Variants in MCM5 observed in about 807,000 individuals in gnomAD.
MCM5 encodes the protein DNA replication licensing factor MCM5.
MCM5 carries 46 observed loss-of-function variants against 79.9 expected under a neutral mutation model. That is an observed-to-expected ratio of 0.58 (90% confidence interval 0.45 to 0.74). MCM5 has a LOEUF of 0.74. Ranked by LOEUF, MCM5 falls within the 30% of genes least tolerant of loss-of-function variation. The probability of loss-of-function intolerance (pLI) is 0.00; values close to 1 mark genes in which losing one functional copy is unlikely to be tolerated. For synonymous variants in MCM5, 404 were observed against 390.5 expected (o/e 1.03, Z -0.41); for missense variants, 883 against 1,017.0 (o/e 0.87, Z 1.79).
At chr22:35,402,472 A>C (rs562517793) in intron 2 of MCM5, among the ~76,000 whole-genome samples, 2 of 151,214 alleles carry the variant, frequency 1.3e-5, no homozygotes, top group Admixed American at 6.6e-5. Flanking sequence ...GATTACAGGC[A>C]TCCGCCACCA....
chr22:35,412,768 ACT>A, intron 8 of MCM5, 87 bp downstream of exon 8: 1 of 1,167,466 alleles, frequency 8.6e-7, no homozygotes, highest in Non-Finnish European at 1.1e-6. Flanking sequence ...AGGACTGGGC[ACT>A]CTTTTTTGTA....
At position 35,423,929 on chromosome 22, in the gene MCM5, A is replaced by T. The variant is rs934627929; in HGVS notation, c.2104-225A>T. On this transcript the variant is annotated intron_variant, in intron 16 of 16. Transcript: ENST00000216122. ...TTTAGAGCTTCGGTTCTAGAGTCAG[A>T]TGGGACTTAAGTCCCAGCTCTACCT... 13 of 517,202 alleles carry T rather than the reference A, an allele frequency of 2.5e-5. No homozygotes were observed. The African/African-American group carries it at 2.6e-4, about 10-fold the overall frequency. The allele number at this position is 517,202 out of a possible 1,614,324, so 32.0% of individuals were successfully genotyped here.
chr22:35,446,915 C>G, the MCM5 span, among the ~76,000 whole-genome samples: 1 of 152,214 alleles, frequency 6.6e-6, no homozygotes, highest in Non-Finnish European at 1.5e-5. Context: ...CCCAACTGCC[C>G]AGGTGGGTCA....
chr22:35,451,384 G>A, the MCM5 span, among the ~76,000 whole-genome samples: 24 of 152,378 alleles, frequency 1.6e-4, no homozygotes, highest in Middle Eastern at 6.8e-3. Flanking sequence ...CGAAGAGATC[G>A]GCCCCCTTGC....
At chr22:35,453,522 G>C in the MCM5 span, among the ~76,000 whole-genome samples, 1 of 151,580 alleles carries the variant, frequency 6.6e-6, no homozygotes, top group East Asian at 1.9e-4. Flanking sequence ...GAGCATCAGA[G>C]ACAGAAAGGG....
chr22:35,422,810 GC>G (rs1932729334), intron 15 of MCM5: 1 of 155,908 alleles, frequency 6.4e-6, no homozygotes, highest in African/African-American at 2.4e-5. Context: ...TCCAGGGCAG[GC>G]TGGCTTCCCT....
At chr22:35,441,288 TGGTGGCCCTAGGGGCAG>T in the MCM5 span, among the ~76,000 whole-genome samples, 1 of 152,166 alleles carries the variant, frequency 6.6e-6, no homozygotes, top group Non-Finnish European at 1.5e-5. Context: ...AGATGTGTGC[TGGTGGCCCTAGGGGCAG>T]GGCTGGGGCC....
At chr22:35,423,133 T>C in intron 15 of MCM5, 81 bp from the exon 16 acceptor site, 3 of 1,442,436 alleles carry the variant, frequency 2.1e-6, no homozygotes, top group Non-Finnish European at 2.8e-6. Flanking sequence ...CAGGCTGTTC[T>C]TCCTTGGGCT....
chr22:35,440,984 G>T, the MCM5 span, among the ~76,000 whole-genome samples: 1 of 151,784 alleles, frequency 6.6e-6, no homozygotes. Context: ...TTGAACCCGG[G>T]AGGCGGAGGT....
At chr22:35,401,590 T>C in intron 2 of MCM5, 1 of 470,796 alleles carries the variant, frequency 2.1e-6, no homozygotes, top group Non-Finnish European at 4.4e-6. Context: ...CTGAGTGACT[T>C]CCAGGTGTCA....
chr22:35,446,699 A>G, the MCM5 span, among the ~76,000 whole-genome samples: 10 of 151,730 alleles, frequency 6.6e-5, no homozygotes, highest in African/African-American at 1.9e-4. Context: ...GCCTCCCTCA[A>G]CTCTGCCCGC....
the MCM5 span, among the ~76,000 whole-genome samples, chr22:35,443,305 C>T: frequency 6.6e-6 from 1 of 152,110 alleles, no homozygotes. Context: ...TCCTACCTCA[C>T]CCTCCCCAGT....
intron 8 of MCM5, among the ~76,000 whole-genome samples, 177 bp downstream of exon 8, chr22:35,412,858 G>A (rs1041884553): frequency 1.1e-4 from 17 of 152,130 alleles, no homozygotes; most frequent in African/African-American, 3.1e-4. Context: ...GCTGATCTGC[G>A]CACCTGTCTC....
intron 2 of MCM5, among the ~76,000 whole-genome samples, chr22:35,402,218 A>G (rs1025345511): frequency 6.6e-6 from 1 of 152,132 alleles, no homozygotes; most frequent in Non-Finnish European, 1.5e-5. Context: ...TGGCTGGGCA[A>G]CATAGTGAAA....
intron 15 of MCM5, 50 bp downstream of exon 15, chr22:35,421,510 C>T (rs761486745): frequency 1.1e-5 from 18 of 1,612,186 alleles, no homozygotes; most frequent in Non-Finnish European, 1.4e-5. Context: ...TTCCCTGGCT[C>T]GGAGCTCTGT....
rs192270118 is a variant in MCM5 at position 35,419,611 on chromosome 22, C to T, written c.1704-273C>T. ...ACAGCGTCTAACAGTGGGGAAGAGGCGGTTTTCACCCTGCAGACGTGCCTG... is the reference window on the plus strand; with the variant it reads ...ACAGCGTCTAACAGTGGGGAAGAGGTGGTTTTCACCCTGCAGACGTGCCTG... On this transcript the variant is annotated intron_variant, in intron 13 of 16. Coordinates refer to ENST00000216122, the MANE Select transcript of MCM5 (RefSeq NM_006739.4). Among the ~76,000 whole-genome samples, 609 of 152,336 alleles carry T rather than the reference C, an allele frequency of 4.0e-3. 7 individuals are homozygous for T. The highest frequency in any genetic ancestry group is 0.014 in the African/African-American group (563 of 41,574).
chr22:35,401,544 C>T, intron 2 of MCM5: 1 of 468,020 alleles, frequency 2.1e-6, no homozygotes, highest in South Asian at 1.6e-5. Flanking sequence ...ATGCAGAGAA[C>T]ATGAGGTTGC....
the MCM5 span, among the ~76,000 whole-genome samples, chr22:35,432,152 C>T: frequency 6.6e-6 from 1 of 152,220 alleles, no homozygotes; most frequent in Non-Finnish European, 1.5e-5. Context: ...GCTAAATTTA[C>T]CAAGCATTCA....
chr22:35,419,590 C>T (rs888261785), intron 13 of MCM5, among the ~76,000 whole-genome samples: 1 of 152,228 alleles, frequency 6.6e-6, no homozygotes, highest in Non-Finnish European at 1.5e-5. Context: ...CACCACACAG[C>T]GTCTAACAGT....
Sources: allele counts gnomAD v4.1 joint callset (sites outside exome capture counted in the v4.1 genomes callset), GRCh38; gene constraint gnomAD v4.1.1; transcripts MANE v1.5; gene names NCBI Gene and HGNC (gene_info 2026-07-23, HGNC 2026-07-21).